RNF8: variants seen among roughly 807,000 people sequenced by gnomAD.
RNF8 encodes the protein E3 ubiquitin-protein ligase RNF8.
In RNF8, 8 loss-of-function variants were observed where a neutral mutation model predicts 59.3. The ratio of observed to expected loss-of-function variants is 0.13; its 90% CI spans 0.08 to 0.24. The LOEUF (loss-of-function observed/expected upper bound fraction) is 0.24, where lower values mean the gene tolerates loss of function less well. RNF8 is among the 10% of genes least tolerant of loss of function. The probability of loss-of-function intolerance (pLI) is 1.00; values close to 1 mark genes in which losing one functional copy is unlikely to be tolerated. For missense variants in RNF8, 406 were observed against 572.6 expected, an observed-to-expected ratio of 0.71 and a Z score of 2.97; for synonymous variants, 162 against 200.0, an observed-to-expected ratio of 0.81 and a Z score of 1.60.
In RNF8 at chr6:37,354,033, C is replaced by A; in HGVS notation, c.-132C>A. 1 of 801,210 alleles carries A rather than the reference C, an allele frequency of 1.2e-6. No individual in the cohort carries two copies. The highest frequency in any genetic ancestry group is 1.7e-5 in the African/African-American group (1 of 57,780). 49.6% of individuals were successfully genotyped at this position (801,210 alleles called of 1,614,324 possible). On this transcript the variant is annotated 5_prime_UTR_variant, in exon 1 of 8. Coordinates refer to ENST00000373479, the MANE Select transcript of RNF8 (RefSeq NM_003958.4). ...GGCGGGCGAGCGGAGCCTGCTTTCG[C>A]AGCGATCGCGAGCGTGTGGCGATTG...
chr6:37,362,973 C>T (rs1283938214), intron 2 of RNF8, among the ~76,000 whole-genome samples: 1 of 152,132 alleles, frequency 6.6e-6, no homozygotes, highest in African/African-American at 2.4e-5. Context: ...TTTCAGATGG[C>T]CCGTCCTTTG....
chr6:37,361,324 C>T (rs1290186834), intron 2 of RNF8: 1 of 455,204 alleles, frequency 2.2e-6, no homozygotes, highest in South Asian at 1.6e-5. Context: ...AATATGGTGT[C>T]CTCCTGGGAG....
At chr6:37,376,039 C>G (rs577073579) in intron 5 of RNF8, among the ~76,000 whole-genome samples, 8 of 152,148 alleles carry the variant, frequency 5.3e-5, no homozygotes, top group Non-Finnish European at 1.0e-4. Flanking sequence ...AGGCCTGTCT[C>G]CAGCCTTCTG....
intron 2 of RNF8, chr6:37,361,577 T>C (rs1273705883): frequency 5.9e-6 from 2 of 339,682 alleles, no homozygotes; most frequent in Non-Finnish European, 5.8e-6. Context: ...AATTCTAACA[T>C]AAACAGTTAA....
At chr6:37,376,845 TA>T in intron 5 of RNF8, 80 bp from the exon 6 acceptor site, 2 of 833,484 alleles carry the variant, frequency 2.4e-6, no homozygotes, top group South Asian at 1.4e-5. Flanking sequence ...AATCCTCTTC[TA>T]AATAATTGAC....
Position 37,377,021 on chromosome 6 carries a change from A to C in RNF8, c.1224A>C (p.Glu408Asp). ...ENELQCIICS[E>D]YFIEAVTLNC... ...AGCTCCAATGTATTATTTGTTCAGAATACTTCATTGAGGTAATTATGAACA... is the reference window on the plus strand; with the variant it reads ...AGCTCCAATGTATTATTTGTTCAGACTACTTCATTGAGGTAATTATGAACA... The change falls in exon 6 of 8, where the codon GAA becomes GAC. Residue 408 changes from glutamate (E) to aspartate (D), a missense_variant. Transcript: ENST00000373479. The C allele has an allele frequency of 6.4e-7, 1 of 1,562,910 alleles. No individual in the cohort carries two copies. Among genetic ancestry groups the C allele is most frequent in the Non-Finnish European group, 8.8e-7 (1 of 1,135,314 alleles).
intron 6 of RNF8, among the ~76,000 whole-genome samples, chr6:37,377,871 A>G (rs576801537): frequency 2.0e-5 from 3 of 152,332 alleles, no homozygotes; most frequent in East Asian, 1.9e-4. Flanking sequence ...AACCTCTACC[A>G]TTTGTTAGCC....
At chr6:37,387,767 A>G (rs1046166159) in intron 7 of RNF8, among the ~76,000 whole-genome samples, 1 of 152,220 alleles carries the variant, frequency 6.6e-6, no homozygotes, top group Non-Finnish European at 1.5e-5. Flanking sequence ...GGTTCCTTAT[A>G]GTAAAGTCCT....
At chr6:37,375,887 A>C (rs1174826376) in intron 5 of RNF8, among the ~76,000 whole-genome samples, 1 of 152,156 alleles carries the variant, frequency 6.6e-6, no homozygotes, top group Non-Finnish European at 1.5e-5. Context: ...GCTTCAAGAG[A>C]GCATACGTAG....
chr6:37,389,693 A>T (rs963462711), intron 7 of RNF8, among the ~76,000 whole-genome samples: 2 of 150,822 alleles, frequency 1.3e-5, no homozygotes, highest in African/African-American at 4.9e-5. Context: ...TAGAAAGAAG[A>T]GTATCGTGGG....
chr6:37,383,714 T>C (rs1421733576), intron 7 of RNF8, among the ~76,000 whole-genome samples: 1 of 151,884 alleles, frequency 6.6e-6, no homozygotes, highest in Non-Finnish European at 1.5e-5. Flanking sequence ...AGGATGGGAG[T>C]GTTAGGATGC....
In RNF8 at chr6:37,381,228, A is replaced by G; in HGVS notation, c.1315A>G (p.Ile439Val). The stretch of plus-strand genomic sequence containing the variant: ...GATGAAGCGGAAGATAGAATGCCCC[A>G]TTTGTCGGAAGGACATTAAGTCCAA... Reference protein sequence around the residue: ...EWMKRKIECPICRKDIKSKTY... With the variant: ...EWMKRKIECPVCRKDIKSKTY... The change falls in exon 7 of 8, where the codon ATT (isoleucine) becomes GTT (valine). Residue 439 changes from isoleucine (I) to valine (V), a missense_variant. Ile to Val is a conservative substitution (Grantham distance 29). Around this residue, in one of 3 missense-constraint regions of RNF8, gnomAD observed 59 missense variants for 118.5 expected, o/e 0.50. Coordinates refer to ENST00000373479, the MANE Select transcript of RNF8 (RefSeq NM_003958.4). 1.2e-6 allele frequency: 2 copies of G among 1,614,170 alleles called. No homozygotes were observed. The highest frequency in any genetic ancestry group is 1.1e-5 in the South Asian group (1 of 91,080).
chr6:37,367,221 A>C (rs1769594418), intron 2 of RNF8, among the ~76,000 whole-genome samples: 1 of 152,044 alleles, frequency 6.6e-6, no homozygotes, highest in African/African-American at 2.4e-5. Context: ...TGAGGGAGAG[A>C]CTTATTTTCC....
rs930511676 is a variant in RNF8 at position 37,392,158 on chromosome 6, A to G, written c.*1400A>G. The G allele has an allele frequency of 1.8e-5, 5 of 277,656 alleles. No individual in the cohort carries two copies. The highest frequency in any genetic ancestry group is 1.1e-4 in the African/African-American group (5 of 46,048). The allele number at this position is 277,656 out of a possible 1,614,324, so 17.2% of individuals were successfully genotyped here. On this transcript the variant is annotated 3_prime_UTR_variant, in exon 8 of 8. Transcript: ENST00000373479. The stretch of plus-strand genomic sequence containing the variant: ...AGTTAAATGTGGAAAAAATGCTTTA[A>G]AAGTACTTACTATAACCACATCATA...
intron 7 of RNF8, among the ~76,000 whole-genome samples, chr6:37,385,267 C>T (rs1770447888): frequency 6.6e-6 from 1 of 151,480 alleles, no homozygotes; most frequent in Admixed American, 6.6e-5. Context: ...CCCACCTCTG[C>T]CTCCCAAAGT....
chr6:37,386,964 A>T (rs781030104), intron 7 of RNF8, among the ~76,000 whole-genome samples: 7 of 152,174 alleles, frequency 4.6e-5, no homozygotes, highest in Non-Finnish European at 7.3e-5. Context: ...ATCATTTTTC[A>T]TACCTACTTC....
chr6:37,370,297 T>C (rs1311370853), intron 3 of RNF8: 2 of 152,256 alleles, frequency 1.3e-5, no homozygotes, highest in East Asian at 1.9e-4. Context: ...TGCTTACTTA[T>C]GTGTACCTTT....
intron 7 of RNF8, among the ~76,000 whole-genome samples, chr6:37,384,635 T>C (rs915452873): frequency 6.6e-6 from 1 of 152,188 alleles, no homozygotes; most frequent in Non-Finnish European, 1.5e-5. Flanking sequence ...CAGCTTCTTA[T>C]AGGCTAAGTA....
intron 2 of RNF8, among the ~76,000 whole-genome samples, chr6:37,364,022 A>G (rs1442654865): frequency 1.3e-5 from 2 of 151,982 alleles, no homozygotes; most frequent in Admixed American, 6.6e-5. Context: ...TACTAAAAAT[A>G]TAAAAAATTA....
Sources: allele counts gnomAD v4.1 joint callset (sites outside exome capture counted in the v4.1 genomes callset), GRCh38; gene constraint gnomAD v4.1.1; regional missense constraint gnomAD v4.1.1; transcripts MANE v1.5; gene names NCBI Gene and HGNC (gene_info 2026-07-23, HGNC 2026-07-21).